The following TECTA variants were observed in gnomAD, a reference collection of about 807,000 sequenced individuals.
The protein encoded by TECTA is tectorin alpha, also known as alpha-tectorin.
TECTA carries 128 observed loss-of-function variants against 216.8 expected under a neutral mutation model. That is an observed-to-expected ratio of 0.59 (90% CI 0.51 to 0.68). The LOEUF is 0.68. TECTA is among the 30% of genes least tolerant of loss of function. The pLI is 0.00. For missense variants in TECTA, 2,551 were observed against 2,786.2 expected (o/e 0.92, Z 1.90); for synonymous variants, 1,089 against 1,117.1 (o/e 0.97, Z 0.50).
chr11:121,160,852 G>A (rs941123717), intron 15 of TECTA, among the ~76,000 whole-genome samples: 4 of 152,216 alleles, frequency 2.6e-5, no homozygotes, highest in Admixed American at 1.3e-4. Context: ...GCTTGCTGTG[G>A]TTGTGTAGGC....
chr11:121,167,747 T>C (rs1170057550), intron 18 of TECTA, among the ~76,000 whole-genome samples: 4 of 152,250 alleles, frequency 2.6e-5, no homozygotes, highest in Admixed American at 2.6e-4. Context: ...TGGCAATAGT[T>C]CATGCTATTC....
At chr11:121,146,214 A>G (rs938968773) in intron 12 of TECTA, 98 bp downstream of exon 12, 5 of 1,430,088 alleles carry the variant, frequency 3.5e-6, no homozygotes, top group African/African-American at 1.4e-5. Flanking sequence ...GAGCAAATTG[A>G]GTAGCAATTT....
At chr11:121,176,409 C>T (rs1194801632) in intron 20 of TECTA, among the ~76,000 whole-genome samples, 1 of 141,354 alleles carries the variant, frequency 7.1e-6, no homozygotes, top group Non-Finnish European at 1.5e-5. Context: ...TCAGCATTTG[C>T]TTGTCTGTAA....
chr11:121,139,208 C>T (rs1012546724), intron 11 of TECTA, among the ~76,000 whole-genome samples: 1 of 152,228 alleles, frequency 6.6e-6, no homozygotes, highest in Non-Finnish European at 1.5e-5. Context: ...CCTCTCTGCT[C>T]CTCCTAACAG....
intron 9 of TECTA, among the ~76,000 whole-genome samples, chr11:121,129,422 C>T (rs1379708582): frequency 5.3e-5 from 8 of 152,096 alleles, no homozygotes; most frequent in Non-Finnish European, 8.8e-5. Context: ...CCAGAACACA[C>T]AAATAAACAG....
intron 6 of TECTA, among the ~76,000 whole-genome samples, chr11:121,114,616 TCCAC>T (rs1946479655): frequency 3.6e-5 from 1 of 27,478 alleles, no homozygotes; most frequent in Non-Finnish European, 7.8e-5. Context: ...CACCCATCCA[TCCAC>T]CTACCCACCC....
chr11:121,159,627 T>C (rs1342363099), intron 14 of TECTA, among the ~76,000 whole-genome samples: 1 of 152,164 alleles, frequency 6.6e-6, no homozygotes, highest in African/African-American at 2.4e-5. Flanking sequence ...GTTTGAACAT[T>C]ATAAGCAAGA....
At chr11:121,138,966 T>C (rs555756393) in intron 11 of TECTA, among the ~76,000 whole-genome samples, 1 of 152,380 alleles carries the variant, frequency 6.6e-6, no homozygotes, top group South Asian at 2.1e-4. Flanking sequence ...TGAGCTATAC[T>C]GAACTAAACT....
At chr11:121,134,525 T>C (rs916592558) in intron 10 of TECTA, among the ~76,000 whole-genome samples, 1 of 151,990 alleles carries the variant, frequency 6.6e-6, no homozygotes, top group Non-Finnish European at 1.5e-5. Context: ...CCTCCACGGC[T>C]TCTGTCGGCC....
intron 7 of TECTA, among the ~76,000 whole-genome samples, chr11:121,119,904 T>G (rs888716818): frequency 4.6e-5 from 7 of 152,230 alleles, no homozygotes; most frequent in African/African-American, 1.7e-4. Flanking sequence ...GGGACAACTC[T>G]GTATATCAAA....
rs367731514 is a variant in TECTA, at chr11:121,160,427, G to A, written c.4976+6G>A. On this transcript the variant is annotated splice_donor_region_variant and intron_variant, in intron 15 of 23. Transcript: ENST00000392793. ...ACCAATGGCATGCAGAAGAGGTGAG[G>A]GTGTAGGAGTTCAAGCCACTAGACT... 107 of 1,607,916 alleles carry A rather than the reference G, an allele frequency of 6.7e-5. No individual in the cohort carries two copies. The highest frequency in any genetic ancestry group is 9.0e-5 in the Non-Finnish European group (106 of 1,179,752).
intron 9 of TECTA, 26 bp downstream of exon 9, chr11:121,128,370 G>A (rs746454942): frequency 6.3e-7 from 1 of 1,596,040 alleles, no homozygotes; most frequent in East Asian, 2.2e-5. Flanking sequence ...CCTTTGGAGG[G>A]GTTCCTGGTA....
At chr11:121,131,534 A>G (rs1443673622) in intron 10 of TECTA, among the ~76,000 whole-genome samples, 1 of 152,224 alleles carries the variant, frequency 6.6e-6, no homozygotes, top group Non-Finnish European at 1.5e-5. Context: ...TAACATAATC[A>G]TTAAAATCAG....
In TECTA at chr11:121,125,628, C is replaced by T. The variant is rs1360187854; in HGVS notation, c.1530C>T (p.Cys510=). ...DSGCVDNCTQ[C]DAATEALYFG... is the part of the protein sequence containing the mutation. Reference sequence around the variant, plus strand: ...GCTGCGTCGACAACTGCACCCAGTGCGACGCTGCCACTGAAGCCCTCTACT... The same window carrying T: ...GCTGCGTCGACAACTGCACCCAGTGTGACGCTGCCACTGAAGCCCTCTACT... Residue 510 remains cysteine, a synonymous_variant, in exon 8 of 24, where the codon TGC becomes TGT. Transcript: ENST00000392793. 18 of 1,612,428 alleles carry T rather than the reference C, an allele frequency of 1.1e-5. No individual in the cohort carries two copies. The highest frequency in any genetic ancestry group is 8.9e-5 in the East Asian group (4 of 44,860).
rs1946380950 is a variant in TECTA, at chr11:121,105,326, C to T, written c.65-505C>T. Among the ~76,000 whole-genome samples the T allele has an allele frequency of 6.6e-6, 1 of 152,228 alleles. No homozygotes were observed. Among genetic ancestry groups the T allele is most frequent in the Non-Finnish European group, 1.5e-5 (1 of 68,036 alleles). On this transcript the variant is annotated intron_variant, in intron 2 of 23. Coordinates refer to ENST00000392793, the MANE Select transcript of TECTA (RefSeq NM_005422.4). The surrounding 1 kb of genome is among the most constrained non-coding windows in gnomAD (Gnocchi z 5.3). ...GCCAATTGCTACAAATCCTCTCCTC[C>T]CACTTTTGTCTCAGTTCCCACTGTT... is the stretch of plus-strand genomic sequence containing the variant.
intron 13 of TECTA, among the ~76,000 whole-genome samples, chr11:121,153,862 C>T (rs576677992): frequency 2.0e-5 from 3 of 152,172 alleles, no homozygotes; most frequent in Non-Finnish European, 4.4e-5. Flanking sequence ...GTTCATGGTT[C>T]GACCTCAAGC....
intron 20 of TECTA, among the ~76,000 whole-genome samples, chr11:121,182,991 A>C (rs1367343345): frequency 1.3e-5 from 2 of 152,160 alleles, no homozygotes; most frequent in East Asian, 1.9e-4. Context: ...TGACAGTGGC[A>C]GCAGCTGCAG....
chr11:121,115,329 C>T (rs1946491327), intron 6 of TECTA, among the ~76,000 whole-genome samples: 1 of 152,186 alleles, frequency 6.6e-6, no homozygotes, highest in African/African-American at 2.4e-5. Flanking sequence ...ATTTTAAGAG[C>T]CCCATTGAAA....
rs772703442 is a variant in TECTA at position 121,113,571 on chromosome 11, A to C, written c.643A>C (p.Asn215His). ...GCTGCAGGCAGGATTTAATGGTGGA[A>C]ACCTCACCAATTTCTTCAGCCTCCC... is the stretch of plus-strand genomic sequence containing the variant. ...VMAQAGFNGGNLTNFFSLPGS... is the reference protein window; with the variant it reads ...VMAQAGFNGGHLTNFFSLPGS... Residue 215 changes from asparagine (N) to histidine (H), a missense_variant, in exon 6 of 24, where the codon AAC (asparagine) becomes CAC (histidine). Asn to His is a moderately conservative substitution (Grantham distance 68). Transcript: ENST00000392793. The surrounding 1 kb of genome is among the most constrained non-coding windows in gnomAD (Gnocchi z 4.2). 1.2e-6 allele frequency: 2 copies of C among 1,613,972 alleles called. No individual in the cohort carries two copies. The highest frequency in any genetic ancestry group is 4.5e-5 in the East Asian group (2 of 44,878).
Sources: gnomAD v4.1 joint callset for allele counts (sites outside exome capture counted in the v4.1 genomes callset) on GRCh38, gnomAD v4.1.1 for gene constraint, Gnocchi (gnomAD v3.1) non-coding constraint, MANE v1.5 for transcripts, NCBI Gene and HGNC (gene_info 2026-07-23, HGNC 2026-07-21) for gene names.